AZIN2: variants seen among roughly 807,000 people sequenced by gnomAD.
AZIN2 encodes antizyme inhibitor 2, also known as ODC antizyme inhibitor-2.
AZIN2 carries 28 observed loss-of-function variants against 47.8 expected under a neutral mutation model. That is an observed-to-expected ratio of 0.59 (90% CI 0.43 to 0.80). The LOEUF is 0.80. Ranked by LOEUF, AZIN2 falls within the 30% of genes least tolerant of loss-of-function variation. The pLI is 0.00. For missense variants in AZIN2, 535 were observed against 582.5 expected, an observed-to-expected ratio of 0.92 and a Z score of 0.84; for synonymous variants, 221 against 239.4, an observed-to-expected ratio of 0.92 and a Z score of 0.71.
intron 10 of AZIN2, 21 bp downstream of exon 10, chr1:33,098,200 C>T (rs752465985): frequency 6.4e-7 from 1 of 1,552,470 alleles, no homozygotes; most frequent in South Asian, 1.2e-5. Context: ...CCCACGTGGG[C>T]CTGTTTTCAG....
downstream of AZIN2, among the ~76,000 whole-genome samples, chr1:33,127,482 G>T (rs543699813): frequency 6.6e-6 from 1 of 152,348 alleles, no homozygotes; most frequent in East Asian, 1.9e-4. Context: ...ATGTTAAACC[G>T]AACCTTCGCC....
At chr1:33,152,085 G>A in the AZIN2 span, among the ~76,000 whole-genome samples, 1 of 152,234 alleles carries the variant, frequency 6.6e-6, no homozygotes, top group African/African-American at 2.4e-5. Flanking sequence ...GGAGCACCAC[G>A]ACAGACCCAG....
At chr1:33,088,206 C>T (rs577262275) in intron 5 of AZIN2, among the ~76,000 whole-genome samples, 1 of 152,288 alleles carries the variant, frequency 6.6e-6, no homozygotes, top group Admixed American at 6.5e-5. Flanking sequence ...CGAGGAGATG[C>T]CTGGAACCCG....
At chr1:33,149,861 G>A in the AZIN2 span, among the ~76,000 whole-genome samples, 2 of 152,214 alleles carry the variant, frequency 1.3e-5, no homozygotes, top group African/African-American at 4.8e-5. Context: ...CAAGGACCGT[G>A]TACTGTCTAA....
At chr1:33,114,922 C>T (rs1274048524) in intron 10 of AZIN2, among the ~76,000 whole-genome samples, 2 of 152,182 alleles carry the variant, frequency 1.3e-5, no homozygotes, top group East Asian at 1.9e-4. Context: ...GGATTACAGG[C>T]GTGAGCCACC....
chr1:33,130,324 A>G, the AZIN2 span, among the ~76,000 whole-genome samples: 33 of 152,348 alleles, frequency 2.2e-4, no homozygotes, highest in African/African-American at 7.9e-4. Flanking sequence ...TGAATAGAAT[A>G]TGTTAGAAGT....
Position 33,081,867 on chromosome 1 carries a change from A to T in AZIN2, c.-73+55A>T. The T allele has an allele frequency of 3.8e-6, 1 of 263,444 alleles. No homozygotes were observed. The highest frequency in any genetic ancestry group is 7.5e-6 in the Non-Finnish European group (1 of 133,252). The allele number at this position is 263,444 out of a possible 1,614,324, so 16.3% of individuals were successfully genotyped here. ...GGAAACTTCCCCACCCAAGTTTCTC[A>T]GATTTTCTGTTCCATCTCTCTCTCA... On this transcript the variant is annotated intron_variant, in intron 3 of 11. Coordinates refer to ENST00000294517, the MANE Select transcript of AZIN2 (RefSeq NM_052998.4). The surrounding 1 kb of genome is among the most constrained non-coding windows in gnomAD (Gnocchi z 4.2).
downstream of AZIN2, among the ~76,000 whole-genome samples, chr1:33,127,224 G>A (rs1424766217): frequency 2.0e-5 from 3 of 152,196 alleles, no homozygotes; most frequent in African/African-American, 4.8e-5. Flanking sequence ...ATTGCCTGGC[G>A]GAACCATGAC....
downstream of AZIN2, among the ~76,000 whole-genome samples, chr1:33,125,593 G>A (rs770150526): frequency 7.2e-5 from 11 of 152,178 alleles, no homozygotes; most frequent in Non-Finnish European, 1.5e-4. Context: ...CCTGTTCAAA[G>A]TAGCCCCCAC....
intron 10 of AZIN2, among the ~76,000 whole-genome samples, chr1:33,107,752 A>T (rs1400291468): frequency 5.9e-5 from 9 of 152,234 alleles, no homozygotes; most frequent in Admixed American, 5.9e-4. Context: ...GCATCAAAAA[A>T]TTACTTAGGA....
At chr1:33,090,943 G>C (rs568434685) in intron 5 of AZIN2, among the ~76,000 whole-genome samples, 23 of 152,282 alleles carry the variant, frequency 1.5e-4, no homozygotes, top group African/African-American at 5.5e-4. Context: ...GTGAGATCAT[G>C]CATGTTTGTC....
chr1:33,162,513 C>T, the AZIN2 span, among the ~76,000 whole-genome samples: 5 of 152,208 alleles, frequency 3.3e-5, no homozygotes, highest in Admixed American at 1.3e-4. Context: ...ACATCTCCCT[C>T]GGCTCTGCAC....
At chr1:33,158,624 A>G in the AZIN2 span, among the ~76,000 whole-genome samples, 1 of 152,226 alleles carries the variant, frequency 6.6e-6, no homozygotes, top group African/African-American at 2.4e-5. Context: ...GGCATAACAT[A>G]TACAGATGCT....
At chr1:33,145,773 A>C in the AZIN2 span, 1 of 446,248 alleles carries the variant, frequency 2.2e-6, no homozygotes, top group South Asian at 1.7e-5. Flanking sequence ...CTAGATGTGG[A>C]CTCCACCCTC....
chr1:33,128,591 T>A, the AZIN2 span, among the ~76,000 whole-genome samples: 1,457 of 152,314 alleles, frequency 9.6e-3, 22 homozygotes, highest in African/African-American at 0.033. Context: ...CCCACCCTCT[T>A]CCTGTGTCTA....
chr1:33,123,628 G>T (rs890520576), downstream of AZIN2, among the ~76,000 whole-genome samples: 1 of 152,236 alleles, frequency 6.6e-6, no homozygotes, highest in Non-Finnish European at 1.5e-5. Context: ...ACTTCGGGAG[G>T]CCAAGGCTGG....
chr1:33,158,691 G>C, the AZIN2 span, among the ~76,000 whole-genome samples: 4 of 152,152 alleles, frequency 2.6e-5, no homozygotes, highest in Non-Finnish European at 1.5e-5. Context: ...AATCAGTATT[G>C]ATCACCAACA....
At chr1:33,151,024 G>T in the AZIN2 span, among the ~76,000 whole-genome samples, 5 of 152,060 alleles carry the variant, frequency 3.3e-5, no homozygotes, top group African/African-American at 1.2e-4. Flanking sequence ...GGGGCGGGGG[G>T]TACCCTCAAG....
At chr1:33,141,414 A>G in the AZIN2 span, among the ~76,000 whole-genome samples, 4 of 152,108 alleles carry the variant, frequency 2.6e-5, no homozygotes, top group Non-Finnish European at 4.4e-5. Flanking sequence ...CAGCTCCACC[A>G]TATGCTGTGT....
Sources: gnomAD v4.1 joint callset for allele counts (sites outside exome capture counted in the v4.1 genomes callset) on GRCh38, gnomAD v4.1.1 for gene constraint, Gnocchi (gnomAD v3.1) non-coding constraint, MANE v1.5 for transcripts, NCBI Gene and HGNC (gene_info 2026-07-23, HGNC 2026-07-21) for gene names.